Variants in PDZD2 observed in about 807,000 individuals in gnomAD.
PDZD2 encodes PDZ domain containing 2.
A neutral mutation model predicts 220.7 loss-of-function variants in PDZD2; 90 were observed. The ratio of observed to expected loss-of-function variants is 0.41; its 90% CI spans 0.34 to 0.49. The LOEUF is 0.49. PDZD2 is among the 20% of genes least tolerant of loss of function. The pLI, the probability that PDZD2 is intolerant of heterozygous loss-of-function variation, is 0.28. For missense variants in PDZD2, 3,174 were observed against 3,608.5 expected (o/e 0.88, Z 3.08); for synonymous variants, 1,375 against 1,450.5 (o/e 0.95, Z 1.18).
At chr5:31,816,788 G>T (rs1007836506) in intron 2 of PDZD2, among the ~76,000 whole-genome samples, 1 of 152,162 alleles carries the variant, frequency 6.6e-6, no homozygotes, top group African/African-American at 2.4e-5. Flanking sequence ...GTTGGAAAAT[G>T]ACTATTATGA....
chr5:31,847,206 A>C (rs1757631908), intron 2 of PDZD2: 1 of 170,732 alleles, frequency 5.9e-6, no homozygotes, highest in Non-Finnish European at 1.3e-5. Context: ...ATCTGATAAG[A>C]AGCCCACAGA....
chr5:31,856,195 A>T (rs1244566973), intron 2 of PDZD2, among the ~76,000 whole-genome samples: 1 of 152,182 alleles, frequency 6.6e-6, no homozygotes, highest in African/African-American at 2.4e-5. Context: ...CCAGCTGCTA[A>T]TCTGGCCATT....
At chr5:31,752,111 A>G (rs115778519) in intron 1 of PDZD2, among the ~76,000 whole-genome samples, 1,010 of 80,216 alleles carry the variant, frequency 0.013, 18 homozygotes, top group African/African-American at 0.051. Context: ...GTCTTGCTTT[A>G]TCAATCACTT....
chr5:32,078,744 G>T (rs967118230), intron 19 of PDZD2, among the ~76,000 whole-genome samples: 2 of 151,206 alleles, frequency 1.3e-5, no homozygotes, highest in Non-Finnish European at 2.9e-5. Flanking sequence ...GTTTGAGACT[G>T]CAGTGAGCTA....
At chr5:32,003,160 ACACACAC>A (rs1288999562) in intron 5 of PDZD2, among the ~76,000 whole-genome samples, 3 of 53,358 alleles carry the variant, frequency 5.6e-5, no homozygotes, top group African/African-American at 1.4e-4. Context: ...CACCACCAAC[ACACACAC>A]CACACACCAT....
At chr5:31,935,420 A>C (rs1745640247) in intron 2 of PDZD2, among the ~76,000 whole-genome samples, 1 of 152,144 alleles carries the variant, frequency 6.6e-6, no homozygotes, top group South Asian at 2.1e-4. Flanking sequence ...ACCTTAGAAA[A>C]ATCATATTGT....
At chr5:31,953,214 T>A (rs1163857283) in intron 2 of PDZD2, among the ~76,000 whole-genome samples, 1 of 151,978 alleles carries the variant, frequency 6.6e-6, no homozygotes, top group African/African-American at 2.4e-5. Context: ...AATTGGCCCA[T>A]ATGGGACAGG....
chr5:32,089,069 C>G lies in PDZD2; in HGVS notation c.5621C>G (p.Thr1874Ser), dbSNP rs1561558403. The G allele has an allele frequency of 6.2e-7, 1 of 1,613,968 alleles. No homozygotes were observed. The highest frequency in any genetic ancestry group is 1.3e-5 in the African/African-American group (1 of 75,020). ...AAGAGTCCGGCAGAAATGCTTCTGA[C>G]TAATGGTCAGAAGGCAAAGTGTGGT... is the stretch of plus-strand genomic sequence containing the variant. The part of the protein sequence containing the change: ...SKKSPAEMLL[T>S]NGQKAKCGPK... Residue 1874 changes from threonine (T) to serine (S), a missense_variant, in exon 20 of 25, where the codon ACT becomes AGT. Thr to Ser is a moderately conservative substitution (Grantham distance 58). Transcript: ENST00000438447.
At chr5:31,805,403 GT>G (rs1219463577) in intron 2 of PDZD2, among the ~76,000 whole-genome samples, 1 of 152,160 alleles carries the variant, frequency 6.6e-6, no homozygotes, top group Admixed American at 6.6e-5. Flanking sequence ...ACCTATGTGA[GT>G]TTTGTCTTAA....
At chr5:31,641,052 CTT>C (rs900726858) in intron 1 of PDZD2, among the ~76,000 whole-genome samples, 7 of 152,182 alleles carry the variant, frequency 4.6e-5, no homozygotes, top group African/African-American at 1.7e-4. Flanking sequence ...TTTAAGGAAA[CTT>C]ATGATAATTT....
intron 2 of PDZD2, among the ~76,000 whole-genome samples, chr5:31,862,264 C>A (rs927623736): frequency 1.3e-5 from 2 of 150,696 alleles, no homozygotes; most frequent in South Asian, 4.3e-4. Flanking sequence ...TCCACCACAC[C>A]CGGCTAATTT....
chr5:31,827,715 A>AAAG (rs59061500), intron 2 of PDZD2, among the ~76,000 whole-genome samples: 5 of 147,704 alleles, frequency 3.4e-5, no homozygotes, highest in East Asian at 2.0e-4. Context: ...AAATAAAAAA[A>AAAG]TAAAAATAAT....
intron 1 of PDZD2, chr5:31,725,632 T>C: frequency 8.3e-7 from 1 of 1,205,986 alleles, no homozygotes; most frequent in Non-Finnish European, 1.2e-6. Context: ...TGGTCCTTTT[T>C]TCCTTGATTC....
chr5:31,716,961 GAGGGGAT>G (rs201434259), intron 1 of PDZD2, among the ~76,000 whole-genome samples: 3 of 152,234 alleles, frequency 2.0e-5, no homozygotes, highest in East Asian at 3.9e-4. Context: ...GTGGCGGTGA[GAGGGGAT>G]AGGAAGGCCT....
chr5:31,936,955 C>A (rs1745793599), intron 2 of PDZD2, among the ~76,000 whole-genome samples: 1 of 152,112 alleles, frequency 6.6e-6, no homozygotes, highest in Admixed American at 6.5e-5. Flanking sequence ...GAATATTTGT[C>A]ATGGAGTGGG....
At chr5:32,060,864 G>A (rs1225103701) in intron 13 of PDZD2, 138 bp from the exon 14 acceptor site, 13 of 656,044 alleles carry the variant, frequency 2.0e-5, no homozygotes, top group Non-Finnish European at 3.0e-5. Context: ...TTACATGTAT[G>A]CCAACGGGAA....
chr5:32,051,623 A>G (rs1738558903), intron 8 of PDZD2, among the ~76,000 whole-genome samples: 1 of 152,146 alleles, frequency 6.6e-6, no homozygotes, highest in Admixed American at 6.6e-5. Context: ...TGATCTCTTT[A>G]TGTTCTAAGG....
At chr5:31,719,887 G>C (rs1020907213) in intron 1 of PDZD2, among the ~76,000 whole-genome samples, 2 of 152,164 alleles carry the variant, frequency 1.3e-5, no homozygotes, top group Non-Finnish European at 2.9e-5. Context: ...AAGAATTTTA[G>C]TTGCAAAACA....
chr5:31,847,175 A>C (rs926774364), intron 2 of PDZD2: 3 of 166,766 alleles, frequency 1.8e-5, no homozygotes, highest in African/African-American at 7.2e-5. Flanking sequence ...ACATTGGATT[A>C]TTGTAAGGCT....
Sources: allele counts gnomAD v4.1 joint callset (sites outside exome capture counted in the v4.1 genomes callset), GRCh38; gene constraint gnomAD v4.1.1; transcripts MANE v1.5; gene names NCBI Gene and HGNC (gene_info 2026-07-23, HGNC 2026-07-21).